The following COG1 variants were observed in gnomAD, a reference collection of about 807,000 sequenced individuals.
COG1 encodes the protein conserved oligomeric Golgi complex subunit 1.
Under a neutral mutation model 102.2 loss-of-function variants are expected in COG1, and 61 were observed. The ratio of observed to expected loss-of-function variants is 0.60; its 90% CI spans 0.49 to 0.74. COG1 has a LOEUF of 0.74. Ranked by LOEUF, COG1 falls within the 30% of genes least tolerant of loss-of-function variation. COG1 has a pLI of 0.00. For missense variants in COG1, 1,164 were observed against 1,232.1 expected (o/e 0.94, Z 0.83); for synonymous variants, 454 against 493.6 (o/e 0.92, Z 1.06).
At chr17:73,207,651 T>G in intron 13 of COG1, 1 of 1,282,222 alleles carries the variant, frequency 7.8e-7, no homozygotes, top group African/African-American at 1.5e-5. Flanking sequence ...AACAGAAAAT[T>G]TGTTTCCCCA....
At chr17:73,203,483 T>G (rs1295856211) in intron 8 of COG1, 149 bp from the exon 9 acceptor site, 1 of 950,558 alleles carries the variant, frequency 1.1e-6, no homozygotes, top group African/African-American at 1.6e-5. Flanking sequence ...AGGGGCCTTG[T>G]GTCTGCTGAA....
At chr17:73,206,486 GT>G (rs1158928565) in intron 11 of COG1, among the ~76,000 whole-genome samples, 1 of 152,154 alleles carries the variant, frequency 6.6e-6, no homozygotes, top group African/African-American at 2.4e-5. Context: ...GATTATTACA[GT>G]TTTATCCAGG....
chr17:73,199,756 T>C, intron 4 of COG1, 109 bp from the exon 5 acceptor site: 1 of 1,298,442 alleles, frequency 7.7e-7, no homozygotes, highest in South Asian at 1.2e-5. Context: ...TTCTTTTTTG[T>C]AGAGGTGAGG....
intron 9 of COG1, among the ~76,000 whole-genome samples, chr17:73,204,541 A>G (rs112457621): frequency 0.012 from 1,761 of 142,352 alleles, 43 homozygotes; most frequent in African/African-American, 0.043. Flanking sequence ...GTATAATCCC[A>G]TTTCATTAGT....
At chr17:73,199,087 T>G (rs1202371314) in intron 4 of COG1, among the ~76,000 whole-genome samples, 1 of 152,192 alleles carries the variant, frequency 6.6e-6, no homozygotes, top group Non-Finnish European at 1.5e-5. Flanking sequence ...GGGAGGGCCC[T>G]GGGTTTCAAA....
At chr17:73,196,357 C>T in intron 1 of COG1, 150 bp from the exon 2 acceptor site, 1 of 1,156,366 alleles carries the variant, frequency 8.6e-7, no homozygotes. Flanking sequence ...CTCTTCTACA[C>T]TGGGCTTTGA....
rs376560272 is a variant in COG1, at chr17:73,200,745, T to A, written c.1250T>A (p.Met417Lys). ...AAGCCGCTCTTGTTCTGGGAAGATA[T>A]GATGCAGCAACTGTTCCTTGACCGA... ...LEKPLLFWED[M>K]MQQLFLDRLQ... Residue 417 changes from methionine (M) to lysine (K), a missense_variant, in exon 6 of 14, where the codon ATG (methionine) becomes AAG (lysine). Met to Lys is a moderately conservative substitution (Grantham distance 95). Coordinates refer to ENST00000299886, the MANE Select transcript of COG1 (RefSeq NM_018714.3). 82 of 1,613,976 alleles carry A rather than the reference T, an allele frequency of 5.1e-5. No homozygotes were observed. Among genetic ancestry groups the A allele is most frequent in the Non-Finnish European group, 6.7e-5 (79 of 1,179,990 alleles).
chr17:73,202,914 C>A, intron 7 of COG1, 86 bp from the exon 8 acceptor site: 1 of 1,423,004 alleles, frequency 7.0e-7, no homozygotes, highest in Non-Finnish European at 9.9e-7. Context: ...GCAGCTTGAG[C>A]TGTTCTCAGG....
Position 73,193,074 on chromosome 17 carries a change from C to T in COG1, c.5C>T (p.Ala2Val). The change falls in exon 1 of 14, where the codon GCC becomes GTC. Residue 2 changes from alanine to valine, a missense_variant. Coordinates refer to ENST00000299886, the MANE Select transcript of COG1 (RefSeq NM_018714.3). The stretch of plus-strand genomic sequence containing the variant: ...CCGGGGGCTGACGAGTGCACCATGG[C>T]CACCGCGGCAACCTCACCCGCGCTG... M[A>V]TAATSPALKR... 1.3e-6 allele frequency: 2 copies of T among 1,590,300 alleles called. No individual in the cohort carries two copies. Among genetic ancestry groups the T allele is most frequent in the African/African-American group, 1.3e-5 (1 of 74,086 alleles).
At chr17:73,197,155 C>A in intron 3 of COG1, 71 bp from the exon 4 acceptor site, 1 of 1,609,662 alleles carries the variant, frequency 6.2e-7, no homozygotes, top group Non-Finnish European at 8.5e-7. Flanking sequence ...GAGACTGAAG[C>A]CTCCAGAGCG....
chr17:73,200,338 G>T (rs1047763768), intron 5 of COG1, among the ~76,000 whole-genome samples: 15 of 152,128 alleles, frequency 9.9e-5, no homozygotes, highest in African/African-American at 3.6e-4. Context: ...CCAGACTTGC[G>T]TATATCCTCG....
At chr17:73,202,003 G>T in intron 7 of COG1, 103 bp downstream of exon 7, 1 of 1,161,704 alleles carries the variant, frequency 8.6e-7, no homozygotes, top group Non-Finnish European at 1.3e-6. Flanking sequence ...AAACAATTCT[G>T]ATTTCATACG....
At position 73,201,397 on chromosome 17, in the gene COG1, A is replaced by G; in HGVS notation, c.1570A>G (p.Lys524Glu). 1 of 1,614,206 alleles carries G rather than the reference A, an allele frequency of 6.2e-7. No homozygotes were observed. Among genetic ancestry groups the G allele is most frequent in the Non-Finnish European group, 8.5e-7 (1 of 1,180,038 alleles). ...VQNFCSALDS[K>E]LKVKLDDLLA... ...GAACTTCTGTTCTGCCCTGGATTCT[A>G]AGCTGAAGGTTAAACTAGATGACCT... The change falls in exon 7 of 14, where the codon AAG becomes GAG. Residue 524 changes from lysine (K) to glutamate (E), a missense_variant. By Grantham distance (56) the Lys-to-Glu change is moderately conservative. Coordinates refer to ENST00000299886, the MANE Select transcript of COG1 (RefSeq NM_018714.3).
At chr17:73,207,486 A>G (rs1183341795) in intron 13 of COG1, 5 of 647,658 alleles carry the variant, frequency 7.7e-6, no homozygotes, top group Non-Finnish European at 1.4e-5. Flanking sequence ...ATAGAAATGT[A>G]GAAAATATAC....
chr17:73,193,412 C>G, intron 1 of COG1, 28 bp downstream of exon 1: 1 of 1,392,530 alleles, frequency 7.2e-7, no homozygotes, highest in Non-Finnish European at 9.2e-7. Context: ...CACCCTGCGA[C>G]CCGCAGGCGG....
Position 73,193,186 on chromosome 17 carries a change from C to T in COG1, c.117C>T (p.Ala39=). Residue 39 remains alanine (A), a synonymous_variant, in exon 1 of 14, where the codon GCC becomes GCT. Coordinates refer to ENST00000299886, the MANE Select transcript of COG1 (RefSeq NM_018714.3). ...GCGGGCTGGAGCGCCAGGTTCGGGC[C>T]GAGATCGAGCACAAGAAGGAGGAGC... is the stretch of plus-strand genomic sequence containing the variant. ...EIRGLERQVR[A]EIEHKKEELR... The T allele has an allele frequency of 6.2e-7, 1 of 1,607,960 alleles. No homozygotes were observed. Among genetic ancestry groups the T allele is most frequent in the Non-Finnish European group, 8.5e-7 (1 of 1,177,780 alleles).
chr17:73,198,746 G>C (rs979749018), intron 4 of COG1, among the ~76,000 whole-genome samples: 1 of 152,176 alleles, frequency 6.6e-6, no homozygotes, highest in South Asian at 2.1e-4. Context: ...TTCAAGCTGT[G>C]GGAATGGATG....
chr17:73,193,080 C>G lies in COG1; in HGVS notation c.11C>G (p.Ala4Gly), dbSNP rs532947212. 1.1e-5 allele frequency: 17 copies of G among 1,612,078 alleles called. No individual in the cohort carries two copies. In the African/African-American group the frequency reaches 2.3e-4, roughly 22 times the overall value. The change falls in exon 1 of 14, where the codon GCG (alanine) becomes GGG (glycine). Residue 4 changes from alanine (A) to glycine (G), a missense_variant. By Grantham distance (60) the Ala-to-Gly change is moderately conservative (BLOSUM62 0). Transcript: ENST00000299886. The part of the protein sequence containing the change: MAT[A>G]ATSPALKRLD... The stretch of plus-strand genomic sequence containing the variant: ...GCTGACGAGTGCACCATGGCCACCG[C>G]GGCAACCTCACCCGCGCTGAAGCGG...
chr17:73,207,781 C>G (rs1568299892), intron 13 of COG1: 1 of 1,283,002 alleles, frequency 7.8e-7, no homozygotes, highest in African/African-American at 1.7e-5. Context: ...TTTGAAAGCT[C>G]AAACAGCTTG....
Sources: gnomAD v4.1 joint callset for allele counts (sites outside exome capture counted in the v4.1 genomes callset) on GRCh38, gnomAD v4.1.1 for gene constraint, MANE v1.5 for transcripts, NCBI Gene and HGNC (gene_info 2026-07-23, HGNC 2026-07-21) for gene names.